The following MAP2 variants were observed in gnomAD, a reference collection of about 807,000 sequenced individuals.
MAP2 encodes the protein microtubule associated protein 2, also known as microtubule-associated protein 2.
Under a neutral mutation model 137.6 loss-of-function variants are expected in MAP2, and 14 were observed. That is an observed-to-expected ratio of 0.10 (90% CI 0.07 to 0.16). The LOEUF (loss-of-function observed/expected upper bound fraction) is 0.16, where lower values mean the gene tolerates loss of function less well. Among genes scored for constraint, MAP2 ranks in the 10% least tolerant of loss-of-function variants. The probability of loss-of-function intolerance (pLI) is 1.00; values close to 1 mark genes in which losing one functional copy is unlikely to be tolerated. For synonymous variants in MAP2, 786 were observed against 782.3 expected, an observed-to-expected ratio of 1.00 and a Z score of -0.08; for missense variants, 2,088 against 2,191.5, an observed-to-expected ratio of 0.95 and a Z score of 0.94.
At chr2:209,645,939 A>C (rs1425578395) in intron 4 of MAP2, among the ~76,000 whole-genome samples, 1 of 152,238 alleles carries the variant, frequency 6.6e-6, no homozygotes, top group Non-Finnish European at 1.5e-5. Flanking sequence ...TAATCCCAGC[A>C]CTTTGAGAGG....
chr2:209,524,675 A>G (rs2063764610), intron 2 of MAP2, among the ~76,000 whole-genome samples: 2 of 152,136 alleles, frequency 1.3e-5, no homozygotes, highest in Non-Finnish European at 2.9e-5. Context: ...AATTCAATAA[A>G]TTACTTTGAC....
At chr2:209,642,569 T>C (rs887400918) in intron 4 of MAP2, among the ~76,000 whole-genome samples, 2 of 152,198 alleles carry the variant, frequency 1.3e-5, no homozygotes, top group African/African-American at 2.4e-5. Context: ...ATGTTATCTG[T>C]GCCTATGATC....
intron 4 of MAP2, among the ~76,000 whole-genome samples, chr2:209,628,757 T>C (rs2092679887): frequency 6.6e-6 from 1 of 152,118 alleles, no homozygotes; most frequent in Admixed American, 6.6e-5. Flanking sequence ...CTCGACATGA[T>C]CTCCTCTCAT....
At chr2:209,483,562 A>G (rs1390551306) in intron 1 of MAP2, among the ~76,000 whole-genome samples, 1 of 152,242 alleles carries the variant, frequency 6.6e-6, no homozygotes, top group Non-Finnish European at 1.5e-5. Context: ...TGATAGAGCG[A>G]GACTCCATCT....
At chr2:209,502,289 C>A (rs1022995813) in intron 1 of MAP2, among the ~76,000 whole-genome samples, 1 of 152,146 alleles carries the variant, frequency 6.6e-6, no homozygotes, top group Non-Finnish European at 1.5e-5. Context: ...CCATTCTACT[C>A]CGCTTCTATG....
At chr2:209,585,152 T>A (rs10178950) in intron 3 of MAP2, among the ~76,000 whole-genome samples, 151,645 of 151,962 alleles carry the variant, frequency 1, 75,665 homozygotes, top group Non-Finnish European at 1. Flanking sequence ...GGCGTGGGTG[T>A]TATTAACAAG....
chr2:209,679,517 GGT>G (rs1182583563), intron 6 of MAP2, among the ~76,000 whole-genome samples: 1 of 142,802 alleles, frequency 7.0e-6, no homozygotes. Context: ...GTCATAGAAA[GGT>G]GTGTTTTTAA....
chr2:209,642,964 T>A (rs1351739838), intron 4 of MAP2, among the ~76,000 whole-genome samples: 1 of 152,204 alleles, frequency 6.6e-6, no homozygotes, highest in Non-Finnish European at 1.5e-5. Context: ...TAAAGCATAA[T>A]TGAGCCTACA....
At chr2:209,518,179 G>A (rs150255467) in intron 2 of MAP2, among the ~76,000 whole-genome samples, 7 of 152,116 alleles carry the variant, frequency 4.6e-5, no homozygotes, top group Admixed American at 6.6e-5. Context: ...TTGAGAGCAA[G>A]ATTCTGTGAA....
intron 1 of MAP2, among the ~76,000 whole-genome samples, chr2:209,434,852 A>ATATATATATGT (rs1229628172): frequency 1.0e-4 from 10 of 95,346 alleles, no homozygotes; most frequent in African/African-American, 3.1e-4. Flanking sequence ...TATATATGTT[A>ATATATATATGT]TATATATATG....
intron 3 of MAP2, among the ~76,000 whole-genome samples, chr2:209,612,190 T>C (rs2087158392): frequency 6.6e-6 from 1 of 152,204 alleles, no homozygotes; most frequent in Non-Finnish European, 1.5e-5. Flanking sequence ...TGAAATCAAC[T>C]CTATTTTATA....
intron 1 of MAP2, among the ~76,000 whole-genome samples, chr2:209,427,445 A>C (rs1242554426): frequency 6.6e-6 from 1 of 152,136 alleles, no homozygotes; most frequent in African/African-American, 2.4e-5. Context: ...TGCTACTTTA[A>C]TTATCTCTTT....
At chr2:209,672,168 G>A (rs2049122503) in intron 5 of MAP2, among the ~76,000 whole-genome samples, 1 of 151,866 alleles carries the variant, frequency 6.6e-6, no homozygotes, top group African/African-American at 2.4e-5. Context: ...TACAAATGCT[G>A]AGTAGTATGA....
At chr2:209,729,572 C>A (rs927551885) in intron 14 of MAP2, among the ~76,000 whole-genome samples, 2 of 152,080 alleles carry the variant, frequency 1.3e-5, no homozygotes, top group African/African-American at 4.8e-5. Flanking sequence ...AAAAGAAAAG[C>A]CCCTCTGATT....
intron 12 of MAP2, among the ~76,000 whole-genome samples, chr2:209,707,050 T>A (rs1017679276): frequency 6.6e-6 from 1 of 152,110 alleles, no homozygotes. Context: ...GAGTTGAAAT[T>A]GAACATAATT....
intron 5 of MAP2, among the ~76,000 whole-genome samples, chr2:209,665,478 C>T (rs539642371): frequency 6.6e-6 from 1 of 152,280 alleles, no homozygotes; most frequent in East Asian, 1.9e-4. Flanking sequence ...ATAAGGATTG[C>T]TGCACTGTTC....
Position 209,580,101 on chromosome 2 carries a change from G to A in MAP2, c.-107+1G>A, listed in dbSNP as rs1057380447. On this transcript the variant is annotated splice_donor_variant, in intron 3 of 15. Coordinates refer to ENST00000682079, the MANE Select transcript of MAP2 (RefSeq NM_001375505.1). LOFTEE classifies it low-confidence loss of function (5UTR_SPLICE). ...AGCTACTCATTCAGAAAATTAAAAG[G>A]TACCACATGTTTTGTTTGGATGTTT... The A allele has an allele frequency of 1.1e-4, 16 of 151,822 alleles. No individual in the cohort carries two copies. The highest frequency in any genetic ancestry group is 8.5e-4 in the Admixed American group (13 of 15,238). The allele number at this position is 151,822 out of a possible 1,614,324, so 9.4% of individuals were successfully genotyped here.
chr2:209,672,981 A>G (rs1381283971), intron 5 of MAP2, among the ~76,000 whole-genome samples: 4 of 151,736 alleles, frequency 2.6e-5, no homozygotes, highest in East Asian at 1.9e-4. Context: ...CCAAGAAAAG[A>G]TATTATTTGT....
At chr2:209,660,120 A>G (rs188824487) in intron 5 of MAP2, among the ~76,000 whole-genome samples, 1 of 152,178 alleles carries the variant, frequency 6.6e-6, no homozygotes, top group South Asian at 2.1e-4. Context: ...GTAAATGTAA[A>G]GATTAAAAGG....
Sources: gnomAD v4.1 joint callset for allele counts (sites outside exome capture counted in the v4.1 genomes callset) on GRCh38, gnomAD v4.1.1 for gene constraint, MANE v1.5 for transcripts, NCBI Gene and HGNC (gene_info 2026-07-23, HGNC 2026-07-21) for gene names.